Variants in UNC13C observed in about 807,000 individuals in gnomAD.
UNC13C encodes unc-13 homolog C.
In UNC13C, 174 loss-of-function variants were observed where a neutral mutation model predicts 245.4. The observed-to-expected ratio is 0.71, with a 90% CI of 0.63 to 0.80. UNC13C has a LOEUF of 0.80. Among genes scored for constraint, UNC13C ranks in the 30% least tolerant of loss-of-function variants. The probability of loss-of-function intolerance (pLI) is 0.00; values close to 1 mark genes in which losing one functional copy is unlikely to be tolerated. For missense variants in UNC13C, 2,829 were observed against 2,602.9 expected, an observed-to-expected ratio of 1.09 and a Z score of -1.89; for synonymous variants, 992 against 895.1, an observed-to-expected ratio of 1.11 and a Z score of -1.93.
intron 19 of UNC13C, among the ~76,000 whole-genome samples, chr15:54,481,178 T>C (rs1346968951): frequency 2.4e-5 from 3 of 126,520 alleles, no homozygotes; most frequent in African/African-American, 9.0e-5. Flanking sequence ...GTGGAGGCTA[T>C]GGCAATGCAT....
the UNC13C span, among the ~76,000 whole-genome samples, chr15:53,850,936 G>A: frequency 6.7e-6 from 1 of 150,034 alleles, no homozygotes; most frequent in Admixed American, 6.6e-5. Context: ...CCAGTTTACT[G>A]ATCTTTACTT....
chr15:53,864,117 C>T, the UNC13C span, among the ~76,000 whole-genome samples: 2 of 152,126 alleles, frequency 1.3e-5, no homozygotes, highest in African/African-American at 4.8e-5. Flanking sequence ...GACATCTTCA[C>T]CCACATAAAT....
chr15:54,471,523 T>A (rs984573602), intron 19 of UNC13C, among the ~76,000 whole-genome samples: 26 of 151,624 alleles, frequency 1.7e-4, no homozygotes, highest in Non-Finnish European at 3.1e-4. Flanking sequence ...CCATTCCCCT[T>A]TGGCTTTCTT....
At chr15:54,248,959 A>G (rs760676244) in intron 7 of UNC13C, among the ~76,000 whole-genome samples, 1 of 152,244 alleles carries the variant, frequency 6.6e-6, no homozygotes, top group Non-Finnish European at 1.5e-5. Flanking sequence ...CTGTGGGAAA[A>G]TATTCTGAAA....
chr15:54,555,350 G>T (rs554005819), intron 28 of UNC13C, 82 bp from the exon 29 acceptor site: 6 of 1,096,432 alleles, frequency 5.5e-6, no homozygotes, highest in East Asian at 2.5e-5. Flanking sequence ...TGGCATATGG[G>T]GATAATACAG....
chr15:54,117,762 G>C (rs2030373060), intron 2 of UNC13C, among the ~76,000 whole-genome samples: 1 of 151,922 alleles, frequency 6.6e-6, no homozygotes, highest in Non-Finnish European at 1.5e-5. Flanking sequence ...GCATTTTTTT[G>C]TAGAGATGGG....
chr15:54,298,017 A>T (rs546710492), intron 12 of UNC13C, 91 bp downstream of exon 12: 17 of 920,424 alleles, frequency 1.8e-5, no homozygotes, highest in Middle Eastern at 3.4e-4. Flanking sequence ...AAATCATTGA[A>T]TTTGTAGAGT....
the UNC13C span, among the ~76,000 whole-genome samples, chr15:53,933,923 G>T: frequency 6.6e-6 from 1 of 152,168 alleles, no homozygotes; most frequent in Non-Finnish European, 1.5e-5. Context: ...ATTTTATAAA[G>T]GAAAGAGTTT....
intron 30 of UNC13C, among the ~76,000 whole-genome samples, chr15:54,580,886 A>T (rs1898169364): frequency 6.6e-6 from 1 of 152,136 alleles, no homozygotes; most frequent in Non-Finnish European, 1.5e-5. Context: ...CACCTGAATG[A>T]TTCACACCTG....
chr15:53,912,269 T>C, the UNC13C span: 12 of 152,214 alleles, frequency 7.9e-5, no homozygotes, highest in African/African-American at 2.7e-4. Flanking sequence ...TCAAGGACTA[T>C]TTGCAGATGG....
intron 19 of UNC13C, among the ~76,000 whole-genome samples, chr15:54,481,556 G>A (rs1425951723): frequency 6.6e-6 from 1 of 152,154 alleles, no homozygotes; most frequent in African/African-American, 2.4e-5. Context: ...TGCAAGTACT[G>A]GTTGCAGCAG....
intron 1 of UNC13C, among the ~76,000 whole-genome samples, chr15:54,002,460 TA>T (rs1894941461): frequency 6.6e-6 from 1 of 151,982 alleles, no homozygotes; most frequent in Non-Finnish European, 1.5e-5. Flanking sequence ...TTAATCCAAA[TA>T]AGAGACAGAG....
At chr15:54,427,286 G>A (rs1703409222) in intron 19 of UNC13C, among the ~76,000 whole-genome samples, 1 of 151,738 alleles carries the variant, frequency 6.6e-6, no homozygotes, top group South Asian at 2.1e-4. Flanking sequence ...TCTCCTGGTA[G>A]TGAATAAGTC....
intron 16 of UNC13C, among the ~76,000 whole-genome samples, chr15:54,336,743 T>C (rs193104775): frequency 3.3e-5 from 5 of 152,150 alleles, no homozygotes; most frequent in African/African-American, 1.2e-4. Flanking sequence ...CCTTTCTCCA[T>C]TGAATTGCTT....
chr15:54,292,087 T>C (rs573742773), intron 10 of UNC13C, among the ~76,000 whole-genome samples: 4 of 152,060 alleles, frequency 2.6e-5, no homozygotes, highest in African/African-American at 9.6e-5. Context: ...TCGACACAGG[T>C]GATGTAATTT....
In UNC13C at chr15:54,597,066, C is replaced by A. The variant is rs533630531; in HGVS notation, c.6107-25261C>A. Among the ~76,000 whole-genome samples the A allele has an allele frequency of 3.9e-5, 6 of 152,326 alleles. 1 individual carries two copies. Among genetic ancestry groups the A allele is most frequent in the African/African-American group, 1.4e-4 (6 of 41,582 alleles). On this transcript the variant is annotated intron_variant, in intron 30 of 32. Coordinates refer to ENST00000260323, the MANE Select transcript of UNC13C (RefSeq NM_001080534.3). ...CGCCAGAGACTGGTTTCATCTTGGG[C>A]AGTTTCATCCCAAAACTCATAAGGA...
chr15:54,624,127 T>C (rs1012212914), intron 32 of UNC13C, among the ~76,000 whole-genome samples, 173 bp downstream of exon 32: 3 of 152,184 alleles, frequency 2.0e-5, no homozygotes, highest in Non-Finnish European at 4.4e-5. Flanking sequence ...GCCAATGTTA[T>C]AGTCATTAGG....
chr15:54,555,592 A>G, intron 29 of UNC13C, 80 bp downstream of exon 29: 2 of 1,012,654 alleles, frequency 2.0e-6, no homozygotes, highest in Non-Finnish European at 3.0e-6. Context: ...GATCTTAGCC[A>G]TGTATCAGTA....
chr15:53,840,869 G>T, the UNC13C span, among the ~76,000 whole-genome samples: 1 of 152,074 alleles, frequency 6.6e-6, no homozygotes, highest in South Asian at 2.1e-4. Flanking sequence ...TGCTCACATA[G>T]GAGTAATCAT....
Sources: gnomAD v4.1 joint callset for allele counts (sites outside exome capture counted in the v4.1 genomes callset) on GRCh38, gnomAD v4.1.1 for gene constraint, MANE v1.5 for transcripts, NCBI Gene and HGNC (gene_info 2026-07-23, HGNC 2026-07-21) for gene names.